Variants in METTL15 observed in about 807,000 individuals in gnomAD.
METTL15 encodes 12S rRNA N(4)-cytidine methyltransferase METTL15.
Under a neutral mutation model 38.3 loss-of-function variants are expected in METTL15, and 34 were observed. That is an observed-to-expected ratio of 0.89 (90% CI 0.68 to 1.18). The LOEUF (loss-of-function observed/expected upper bound fraction) is 1.18, where lower values mean the gene tolerates loss of function less well. Among genes scored for constraint, METTL15 ranks in the 50% most tolerant of loss-of-function variants. The probability of loss-of-function intolerance (pLI) is 0.00; values close to 1 mark genes in which losing one functional copy is unlikely to be tolerated. For missense variants in METTL15, 438 were observed against 498.4 expected, an observed-to-expected ratio of 0.88 and a Z score of 1.15; for synonymous variants, 162 against 170.9, an observed-to-expected ratio of 0.95 and a Z score of 0.41.
intron 4 of METTL15, among the ~76,000 whole-genome samples, chr11:28,275,105 A>C (rs1294042091): frequency 6.6e-6 from 1 of 151,716 alleles, no homozygotes; most frequent in East Asian, 1.9e-4. Flanking sequence ...GTGGAAGAAA[A>C]TATATAAAAA....
chr11:28,394,845 C>G (rs1441303627), intron 5 of METTL15, among the ~76,000 whole-genome samples: 1 of 152,002 alleles, frequency 6.6e-6, no homozygotes, highest in African/African-American at 2.4e-5. Context: ...TCATGTGTTA[C>G]TTACCTTTAT....
At chr11:28,145,297 A>G (rs757851138) in intron 3 of METTL15, 5 of 151,924 alleles carry the variant, frequency 3.3e-5, no homozygotes, top group Non-Finnish European at 1.5e-5. Flanking sequence ...CATCTCTTTC[A>G]TATTTCCATT....
At chr11:28,253,896 G>C (rs1854858265) in intron 4 of METTL15, among the ~76,000 whole-genome samples, 1 of 151,942 alleles carries the variant, frequency 6.6e-6, no homozygotes, top group South Asian at 2.1e-4. Flanking sequence ...ATGGACACTT[G>C]GTTGCTTCCA....
intron 4 of METTL15, among the ~76,000 whole-genome samples, chr11:28,234,440 A>G (rs1392271568): frequency 2.0e-5 from 3 of 150,726 alleles, no homozygotes; most frequent in Non-Finnish European, 3.0e-5. Flanking sequence ...AAGTGTTCCT[A>G]TTTCTCCACA....
intron 5 of METTL15, among the ~76,000 whole-genome samples, chr11:28,422,707 A>C (rs1850831206): frequency 6.6e-6 from 1 of 152,036 alleles, no homozygotes; most frequent in Non-Finnish European, 1.5e-5. Flanking sequence ...AAAAGGGATT[A>C]AAAACTTAAA....
chr11:28,160,013 C>T (rs1409331157), intron 3 of METTL15, among the ~76,000 whole-genome samples: 1 of 151,950 alleles, frequency 6.6e-6, no homozygotes, highest in African/African-American at 2.4e-5. Flanking sequence ...GGAAGGCAGA[C>T]CCACCCTTAA....
chr11:28,233,109 T>C (rs1306138971), intron 4 of METTL15, among the ~76,000 whole-genome samples: 1 of 152,054 alleles, frequency 6.6e-6, no homozygotes, highest in Non-Finnish European at 1.5e-5. Context: ...ATTTCATGAA[T>C]ATAGTTTTAT....
At chr11:28,249,336 A>C (rs1181349000) in intron 4 of METTL15, among the ~76,000 whole-genome samples, 1 of 152,030 alleles carries the variant, frequency 6.6e-6, no homozygotes, top group Non-Finnish European at 1.5e-5. Context: ...CATTCAACAA[A>C]TTAGGATAAT....
chr11:28,476,146 C>T (rs1851344630), intron 6 of METTL15, among the ~76,000 whole-genome samples: 1 of 152,186 alleles, frequency 6.6e-6, no homozygotes, highest in South Asian at 2.1e-4. Context: ...CACTGGGTTG[C>T]TTTCTAGGAA....
chr11:28,307,174 T>G (rs1857111588), intron 6 of METTL15, among the ~76,000 whole-genome samples: 1 of 151,916 alleles, frequency 6.6e-6, no homozygotes, highest in South Asian at 2.1e-4. Context: ...TGTTTACATT[T>G]TTTGTGTGTG....
At chr11:28,448,987 A>G (rs969987443) in intron 6 of METTL15, among the ~76,000 whole-genome samples, 1 of 152,144 alleles carries the variant, frequency 6.6e-6, no homozygotes, top group Admixed American at 6.5e-5. Flanking sequence ...AAAATGCCTT[A>G]AAATATGGAG....
At chr11:28,498,317 C>T (rs1350452612) in intron 6 of METTL15, among the ~76,000 whole-genome samples, 2 of 151,972 alleles carry the variant, frequency 1.3e-5, no homozygotes, top group African/African-American at 4.8e-5. Context: ...CACCACCACG[C>T]CCGGCTAATT....
At chr11:28,288,235 T>G (rs778593433) in intron 4 of METTL15, among the ~76,000 whole-genome samples, 2 of 152,118 alleles carry the variant, frequency 1.3e-5, no homozygotes, top group African/African-American at 2.4e-5. Flanking sequence ...TTAGCTCAAC[T>G]GTTGTGGAAG....
intron 6 of METTL15, among the ~76,000 whole-genome samples, chr11:28,473,499 G>T (rs1851319125): frequency 6.6e-6 from 1 of 152,172 alleles, no homozygotes; most frequent in Non-Finnish European, 1.5e-5. Context: ...ATAGTTGGCA[G>T]ATGTGTGGCC....
chr11:28,116,865 G>T (rs1026799822), intron 3 of METTL15, among the ~76,000 whole-genome samples: 2 of 152,040 alleles, frequency 1.3e-5, no homozygotes, highest in East Asian at 3.9e-4. Context: ...GAACTCCTGG[G>T]CTCAGGTGAT....
At chr11:28,452,413 G>A (rs1414321210) in intron 6 of METTL15, among the ~76,000 whole-genome samples, 1 of 152,148 alleles carries the variant, frequency 6.6e-6, no homozygotes, top group Admixed American at 6.5e-5. Context: ...TTTAATGACA[G>A]CAATACAATT....
intron 3 of METTL15, among the ~76,000 whole-genome samples, chr11:28,191,209 T>C (rs1474690398): frequency 1.3e-5 from 2 of 151,422 alleles, no homozygotes; most frequent in Admixed American, 6.6e-5. Flanking sequence ...TAAAACCAAA[T>C]ATTAACTATA....
At chr11:28,515,665 T>C (rs1454994274) in intron 6 of METTL15, among the ~76,000 whole-genome samples, 3 of 152,228 alleles carry the variant, frequency 2.0e-5, no homozygotes, top group Non-Finnish European at 4.4e-5. Flanking sequence ...CATATGGCAA[T>C]AAGGCATAAA....
chr11:28,148,780 G>C (rs1407846344), intron 3 of METTL15, among the ~76,000 whole-genome samples: 1 of 151,836 alleles, frequency 6.6e-6, no homozygotes. Flanking sequence ...TATTGTATTT[G>C]TAGTCATGGT....
Sources: gnomAD v4.1 joint callset for allele counts (sites outside exome capture counted in the v4.1 genomes callset) on GRCh38, gnomAD v4.1.1 for gene constraint, MANE v1.5 for transcripts, NCBI Gene and HGNC (gene_info 2026-07-23, HGNC 2026-07-21) for gene names.